Variants in EML1 observed in about 807,000 individuals in gnomAD.
EML1 encodes the protein EMAP like 1, also known as echinoderm microtubule-associated protein-like 1.
A neutral mutation model predicts 110.4 loss-of-function variants in EML1; 27 were observed. The observed-to-expected ratio is 0.24, with a 90% confidence interval of 0.18 to 0.34. The LOEUF is 0.34. Ranked by LOEUF, EML1 falls within the 10% of genes least tolerant of loss-of-function variation. The pLI, the probability that EML1 is intolerant of heterozygous loss-of-function variation, is 1.00. For missense variants in EML1, 741 were observed against 1,030.9 expected, an observed-to-expected ratio of 0.72 and a Z score of 3.85; for synonymous variants, 344 against 385.8, an observed-to-expected ratio of 0.89 and a Z score of 1.27.
chr14:99,803,588 G>A (rs1259452970), intron 1 of EML1, among the ~76,000 whole-genome samples: 1 of 152,176 alleles, frequency 6.6e-6, no homozygotes, highest in Non-Finnish European at 1.5e-5. Flanking sequence ...AATGCCTCTC[G>A]CTAGACACCG....
At chr14:99,856,153 G>T (rs1257006595) in intron 2 of EML1, among the ~76,000 whole-genome samples, 2 of 152,136 alleles carry the variant, frequency 1.3e-5, no homozygotes, top group Admixed American at 1.3e-4. Context: ...TTAGTGATTT[G>T]CCCAGGCTAC....
chr14:99,803,420 G>C (rs2057917961), intron 1 of EML1, among the ~76,000 whole-genome samples: 1 of 152,198 alleles, frequency 6.6e-6, no homozygotes, highest in Admixed American at 6.5e-5. Context: ...ATGTGACATT[G>C]AACTCTACCC....
At chr14:99,884,854 G>C (rs75519550) in intron 4 of EML1, among the ~76,000 whole-genome samples, 1 of 152,182 alleles carries the variant, frequency 6.6e-6, no homozygotes, top group Admixed American at 6.5e-5. Flanking sequence ...AACTGGGGGT[G>C]GGGGCAGGGA....
chr14:99,826,555 A>G lies in EML1; in HGVS notation c.68-24298A>G, dbSNP rs187328002. ...TTGATCACCGGAGGATTATTCCTTAAGCAGCACGCCACAGCCTTCTGCAGT... is the reference window on the plus strand; with the variant it reads ...TTGATCACCGGAGGATTATTCCTTAGGCAGCACGCCACAGCCTTCTGCAGT... On this transcript the variant is annotated intron_variant, in intron 1 of 21. Coordinates refer to ENST00000262233, the MANE Select transcript of EML1 (RefSeq NM_004434.3). 4.3e-4 allele frequency among the ~76,000 whole-genome samples: 66 copies of G among 152,238 alleles called. 1 individual carries two copies. The highest frequency in any genetic ancestry group is 1.5e-3 in the African/African-American group (63 of 41,550).
At position 99,911,402 on chromosome 14, in the gene EML1, G is replaced by A; in HGVS notation, c.1340-20G>A. ...AACCTTTTGACAATGTGCTAATGATGGTTTTCTTGGTGTGTTTAGGTACAA... is the reference window on the plus strand; with the variant it reads ...AACCTTTTGACAATGTGCTAATGATAGTTTTCTTGGTGTGTTTAGGTACAA... On this transcript the variant is annotated intron_variant, in intron 12 of 21. Transcript: ENST00000262233. The A allele has an allele frequency of 1.9e-6, 3 of 1,564,410 alleles. No individual in the cohort carries two copies. Among genetic ancestry groups the A allele is most frequent in the Non-Finnish European group, 2.6e-6 (3 of 1,163,622 alleles).
In EML1 at chr14:99,862,870, G is replaced by A. The variant is rs117538002; in HGVS notation, c.251-2644G>A. Among the ~76,000 whole-genome samples the A allele has an allele frequency of 1.6e-4, 24 of 152,278 alleles. No homozygotes were observed. The East Asian group carries it at 2.7e-3, about 17-fold the overall frequency. Reference sequence around the variant, plus strand: ...TTGGAAACCAAGGTTTGGGCATTAGGTGTCATTGCTTTAGGCCCTGTCAGC... The same window carrying A: ...TTGGAAACCAAGGTTTGGGCATTAGATGTCATTGCTTTAGGCCCTGTCAGC... On this transcript the variant is annotated intron_variant, in intron 2 of 21. Coordinates refer to ENST00000262233, the MANE Select transcript of EML1 (RefSeq NM_004434.3).
intron 1 of EML1, among the ~76,000 whole-genome samples, chr14:99,763,875 G>A (rs1198918878): frequency 6.6e-6 from 1 of 152,196 alleles, no homozygotes; most frequent in African/African-American, 2.4e-5. Context: ...ATGCAAGGTG[G>A]AGGACAGCCC....
At chr14:99,744,889 T>G (rs1211383219) in intron 1 of EML1, among the ~76,000 whole-genome samples, 1 of 152,226 alleles carries the variant, frequency 6.6e-6, no homozygotes, top group Non-Finnish European at 1.5e-5. Context: ...TTATTCAGTG[T>G]AATCCACAGA....
upstream of EML1, among the ~76,000 whole-genome samples, chr14:99,770,207 T>G (rs906487845): frequency 6.6e-6 from 1 of 152,278 alleles, no homozygotes; most frequent in Middle Eastern, 3.4e-3. Flanking sequence ...GAGACATTTA[T>G]TGCTCACAGT....
chr14:99,830,118 A>C (rs2139771620), intron 1 of EML1, among the ~76,000 whole-genome samples: 1 of 152,328 alleles, frequency 6.6e-6, no homozygotes, highest in East Asian at 1.9e-4. Flanking sequence ...CCAGCAGTGC[A>C]AGAGGGTTCT....
chr14:99,793,927 G>A (rs1161234699), intron 1 of EML1, among the ~76,000 whole-genome samples: 1 of 152,012 alleles, frequency 6.6e-6, no homozygotes, highest in African/African-American at 2.4e-5. Context: ...ACATCTGTTT[G>A]GAAATGACTG....
chr14:99,803,514 A>C (rs2057919190), intron 1 of EML1, among the ~76,000 whole-genome samples: 1 of 152,236 alleles, frequency 6.6e-6, no homozygotes, highest in African/African-American at 2.4e-5. Context: ...CCAGAAACAT[A>C]TGAATGCAGG....
intron 3 of EML1, among the ~76,000 whole-genome samples, chr14:99,870,087 A>G (rs2059170520): frequency 6.6e-6 from 1 of 152,248 alleles, no homozygotes; most frequent in Admixed American, 6.5e-5. Flanking sequence ...ATGCAAAGAA[A>G]AAGTTCTTGA....
intron 1 of EML1, among the ~76,000 whole-genome samples, chr14:99,811,247 C>G (rs116872338): frequency 2.0e-5 from 3 of 147,444 alleles, no homozygotes; most frequent in Non-Finnish European, 4.6e-5. Context: ...AGTGGTTGAT[C>G]ACAGCTCACT....
At chr14:99,798,529 A>C (rs2057818089) in intron 1 of EML1, among the ~76,000 whole-genome samples, 1 of 152,106 alleles carries the variant, frequency 6.6e-6, no homozygotes. Flanking sequence ...AGTAGCTGGA[A>C]TTACAGGCGT....
intron 17 of EML1, among the ~76,000 whole-genome samples, chr14:99,924,022 C>A (rs2060187747): frequency 6.6e-6 from 1 of 152,174 alleles, no homozygotes; most frequent in Admixed American, 6.5e-5. Context: ...ATTTACAGAT[C>A]AATATGGGGG....
chr14:99,739,376 C>T (rs539866508), intron 1 of EML1, among the ~76,000 whole-genome samples: 1 of 152,174 alleles, frequency 6.6e-6, no homozygotes, highest in Non-Finnish European at 1.5e-5. Context: ...TAAAGCCACC[C>T]GCATGGAGAT....
At chr14:99,898,106 T>C (rs1440288032) in intron 7 of EML1, 127 bp from the exon 8 acceptor site, 1 of 629,826 alleles carries the variant, frequency 1.6e-6, no homozygotes, top group Non-Finnish European at 2.5e-6. Context: ...GAATTTGTCA[T>C]GAGTCTGTAA....
chr14:99,847,541 G>A (rs369827474), intron 1 of EML1, among the ~76,000 whole-genome samples: 1 of 152,102 alleles, frequency 6.6e-6, no homozygotes, highest in African/African-American at 2.4e-5. Flanking sequence ...ATAGAGATGA[G>A]ATCTTGCTAT....
Sources: gnomAD v4.1 joint callset for allele counts (sites outside exome capture counted in the v4.1 genomes callset) on GRCh38, gnomAD v4.1.1 for gene constraint, MANE v1.5 for transcripts, NCBI Gene and HGNC (gene_info 2026-07-23, HGNC 2026-07-21) for gene names.